ERI1: variants seen among roughly 807,000 people sequenced by gnomAD.
ERI1 encodes exoribonuclease 1, also known as 3'-5' exoribonuclease 1.
Under a neutral mutation model 39.7 loss-of-function variants are expected in ERI1, and 39 were observed. The ratio of observed to expected loss-of-function variants is 0.98; its 90% CI spans 0.76 to 1.28. ERI1 has a LOEUF of 1.28. Among genes scored for constraint, ERI1 ranks in the 50% most tolerant of loss-of-function variants. The pLI is 0.00. For synonymous variants in ERI1, 204 were observed against 149.6 expected (o/e 1.36, Z -2.65); for missense variants, 581 against 416.9 (o/e 1.39, Z -3.43).
chr8:9,089,610 A>G (rs1387300229), intron 3 of ERI1, among the ~76,000 whole-genome samples: 2 of 152,124 alleles, frequency 1.3e-5, no homozygotes, highest in East Asian at 1.9e-4. Context: ...TCCTGGCTCT[A>G]CCTTCAGAAC....
At position 9,033,075 on chromosome 8, in the gene ERI1, T is replaced by G. The variant is rs966240314; in HGVS notation, c.*3041T>G. On this transcript the variant is annotated 3_prime_UTR_variant, in exon 7 of 7. Coordinates refer to ENST00000250263, the MANE Select transcript of ERI1 (RefSeq NM_153332.4). ...GCATTACATCTTTTTTCTATTATAC[T>G]TAGAAATTTCCTCTTTGTTCTGCAC... The G allele has an allele frequency of 6.6e-6, 1 of 152,214 alleles. No individual in the cohort carries two copies. Among genetic ancestry groups the G allele is most frequent in the Non-Finnish European group, 1.5e-5 (1 of 68,048 alleles). 9.4% of individuals were successfully genotyped at this position (152,214 alleles called of 1,614,324 possible). A position where few individuals can be genotyped will look rare whatever the true frequency, so the allele number is the denominator to read the frequency against.
chr8:9,099,047 C>G (rs933860492), intron 3 of ERI1, among the ~76,000 whole-genome samples: 2 of 152,112 alleles, frequency 1.3e-5, no homozygotes, highest in African/African-American at 4.8e-5. Flanking sequence ...TTTGGCCAGG[C>G]TGGTCTCGAA....
intron 3 of ERI1, among the ~76,000 whole-genome samples, chr8:9,097,532 G>A (rs919716312): frequency 3.9e-5 from 6 of 152,122 alleles, no homozygotes; most frequent in Non-Finnish European, 7.4e-5. Flanking sequence ...AGCCAGACAC[G>A]GTGGCGTGCG....
chr8:9,087,321 C>G (rs1193378033), intron 3 of ERI1, among the ~76,000 whole-genome samples: 1 of 151,686 alleles, frequency 6.6e-6, no homozygotes, highest in East Asian at 1.9e-4. Flanking sequence ...TCTTGGCTCA[C>G]TGCAATCTCC....
chr8:9,085,221 T>C (rs1799488248), intron 3 of ERI1, among the ~76,000 whole-genome samples: 1 of 152,188 alleles, frequency 6.6e-6, no homozygotes, highest in Admixed American at 6.5e-5. Context: ...CTGTTGTTGT[T>C]GTTTTGAGAC....
intron 3 of ERI1, among the ~76,000 whole-genome samples, chr8:9,065,703 A>G (rs1798850805): frequency 1.6e-5 from 1 of 61,400 alleles, no homozygotes; most frequent in Non-Finnish European, 4.2e-5. Context: ...TCAAAAAAAA[A>G]AAAAAAAAAA....
intron 3 of ERI1, among the ~76,000 whole-genome samples, chr8:9,051,955 T>G (rs1798369848): frequency 6.6e-6 from 1 of 152,220 alleles, no homozygotes; most frequent in Non-Finnish European, 1.5e-5. Context: ...GAGCCCAGGC[T>G]CAGATGCCAT....
At chr8:9,077,534 T>C (rs954764211) in intron 3 of ERI1, among the ~76,000 whole-genome samples, 1 of 152,116 alleles carries the variant, frequency 6.6e-6, no homozygotes, top group African/African-American at 2.4e-5. Flanking sequence ...TGGGGGCTCC[T>C]GGAGGGTGGT....
At chr8:9,039,931 T>C (rs1373444258) in intron 3 of ERI1, among the ~76,000 whole-genome samples, 2 of 152,254 alleles carry the variant, frequency 1.3e-5, no homozygotes, top group African/African-American at 4.8e-5. Context: ...CTATAGGTTT[T>C]ATTCAGTGCC....
intron 3 of ERI1, among the ~76,000 whole-genome samples, chr8:9,065,422 G>A (rs1014433655): frequency 2.6e-5 from 4 of 152,130 alleles, no homozygotes; most frequent in South Asian, 2.1e-4. Context: ...CCAGCTGGGC[G>A]CAGTGGCTCA....
chr8:9,034,941 A>C (rs959843659), downstream of ERI1, among the ~76,000 whole-genome samples: 71 of 152,354 alleles, frequency 4.7e-4, no homozygotes, highest in African/African-American at 1.6e-3. Flanking sequence ...TGATATGGAG[A>C]AAGTTTTAGT....
chr8:9,007,932 A>T (rs1264684485), intron 1 of ERI1, 38 bp from the exon 2 acceptor site: 1 of 1,529,406 alleles, frequency 6.5e-7, no homozygotes, highest in South Asian at 1.2e-5. Context: ...TATAAACTAC[A>T]TCCTTTTTTT....
chr8:9,051,931 G>A (rs1402316577), intron 3 of ERI1, among the ~76,000 whole-genome samples: 2 of 152,174 alleles, frequency 1.3e-5, no homozygotes, highest in East Asian at 1.9e-4. Context: ...GAGTGAGTAT[G>A]GTGTAAGGAT....
At chr8:9,009,404 G>T (rs1300402545) in intron 2 of ERI1, among the ~76,000 whole-genome samples, 1 of 152,154 alleles carries the variant, frequency 6.6e-6, no homozygotes, top group African/African-American at 2.4e-5. Flanking sequence ...AAGGGAGGGG[G>T]AGGGTATTTC....
chr8:9,038,977 T>G (rs912262540), intron 3 of ERI1, among the ~76,000 whole-genome samples: 32 of 152,342 alleles, frequency 2.1e-4, no homozygotes, highest in African/African-American at 7.5e-4. Context: ...TGATGATAAA[T>G]CATTCTTCAG....
At chr8:9,025,676 G>T (rs1818394750) in intron 6 of ERI1, among the ~76,000 whole-genome samples, 1 of 150,202 alleles carries the variant, frequency 6.7e-6, no homozygotes, top group Non-Finnish European at 1.5e-5. Flanking sequence ...GCACTCTCTA[G>T]GACTTTTCAT....
At chr8:9,009,243 C>G (rs1165617096) in intron 2 of ERI1, 4 of 344,956 alleles carry the variant, frequency 1.2e-5, no homozygotes, top group Non-Finnish European at 2.3e-5. Flanking sequence ...CTTTGGCAAT[C>G]TCAGTCTTTT....
In ERI1 at chr8:9,057,692, G is replaced by GCC. The variant is rs1301472235; in HGVS notation, n.299+37228_299+37229insCC. 8.4e-5 allele frequency among the ~76,000 whole-genome samples: 10 copies of GCC among 119,244 alleles called. No homozygotes were observed. In the Admixed American group the frequency reaches 9.2e-4, roughly 11 times the overall value. The allele number at this position is 119,244 out of a possible 152,430, so 78.2% of individuals were successfully genotyped here. Reference sequence around the variant, plus strand: ...GAAAGTAAACATCCTTAAGTCTGTTGTCAAATAAATTAAAAGATGTTCATT... The same window carrying GCC: ...GAAAGTAAACATCCTTAAGTCTGTTGCCTCAAATAAATTAAAAGATGTTCATT... On this transcript the variant is annotated intron_variant and non_coding_transcript_variant, in intron 3 of 3. Coordinates refer to the ERI1 transcript ENST00000518663.
chr8:9,004,225 C>T (rs1815710232), intron 1 of ERI1: 3 of 1,256,752 alleles, frequency 2.4e-6, no homozygotes, highest in Non-Finnish European at 1.0e-6. Flanking sequence ...CTTGCACATC[C>T]CTTCTCTTGT....
Sources: gnomAD v4.1 joint callset for allele counts (sites outside exome capture counted in the v4.1 genomes callset) on GRCh38, gnomAD v4.1.1 for gene constraint, MANE v1.5 for transcripts, NCBI Gene and HGNC (gene_info 2026-07-23, HGNC 2026-07-21) for gene names.